The following MTG1 variants were observed in gnomAD, a reference collection of about 807,000 sequenced individuals.
MTG1 encodes the protein mitochondrial ribosome-associated GTPase 1.
In MTG1, 30 loss-of-function variants were observed where a neutral mutation model predicts 39.5. The observed-to-expected ratio is 0.76, with a 90% confidence interval of 0.57 to 1.03. MTG1 has a LOEUF of 1.03. MTG1 is among the 50% of genes least tolerant of loss of function. MTG1 has a pLI of 0.00. For synonymous variants in MTG1, 217 were observed against 179.0 expected (o/e 1.21, Z -1.69); for missense variants, 513 against 447.4 (o/e 1.15, Z -1.32).
chr10:133,420,235 A>G lies in MTG1; in HGVS notation c.*70A>G, dbSNP rs1297032429. The stretch of plus-strand genomic sequence containing the variant: ...CTCCTGACCTGGGTGGTTGAGGCTC[A>G]AGACAGCTCACCCGGTCCAGAAGCT... On this transcript the variant is annotated 3_prime_UTR_variant, in exon 11 of 11. Transcript: ENST00000317502. 4 of 1,508,602 alleles carry G rather than the reference A, an allele frequency of 2.7e-6. No individual in the cohort carries two copies. Among genetic ancestry groups the G allele is most frequent in the Non-Finnish European group, 3.5e-6 (4 of 1,126,938 alleles). The allele number at this position is 1,508,602 out of a possible 1,614,324, so 93.5% of individuals were successfully genotyped here.
chr10:133,399,300 C>T (rs1849833231), intron 5 of MTG1, 74 bp downstream of exon 5: 1 of 1,551,444 alleles, frequency 6.4e-7, no homozygotes, highest in Non-Finnish European at 8.9e-7. Flanking sequence ...CCTGGCCTCT[C>T]CAAGGAGAAG....
chr10:133,408,651 G>C (rs139803369), intron 9 of MTG1, among the ~76,000 whole-genome samples: 2 of 152,326 alleles, frequency 1.3e-5, no homozygotes, highest in East Asian at 3.9e-4. Flanking sequence ...ACTGTTGATA[G>C]TTCAGCAGTG....
At position 133,394,172 on chromosome 10, in the gene MTG1, C is replaced by A. The variant is rs1370602711; in HGVS notation, c.-49C>A. ...CCGGAACCTCAGAGGCGGGTCGCAG[C>A]GGCGCAGAGGAGGTCAGCTGCGGGA... On this transcript the variant is annotated 5_prime_UTR_variant, in exon 1 of 11. Coordinates refer to ENST00000317502, the MANE Select transcript of MTG1 (RefSeq NM_138384.4). 1 of 1,391,394 alleles carries A rather than the reference C, an allele frequency of 7.2e-7. No homozygotes were observed. The highest frequency in any genetic ancestry group is 2.4e-4 in the Middle Eastern group (1 of 4,086). The allele number at this position is 1,391,394 out of a possible 1,614,324, so 86.2% of individuals were successfully genotyped here.
intron 1 of MTG1, among the ~76,000 whole-genome samples, chr10:133,395,124 G>T (rs1034373956): frequency 6.6e-6 from 1 of 152,170 alleles, no homozygotes; most frequent in Admixed American, 6.5e-5. Context: ...GGCCCGGCCC[G>T]GTGGCTCACG....
At position 133,394,249 on chromosome 10, in the gene MTG1, G is replaced by C. The variant is rs551005414; in HGVS notation, c.29G>C (p.Ser10Thr). The C allele has an allele frequency of 3.2e-5, 49 of 1,518,744 alleles. No individual in the cohort carries two copies. In the African/African-American group the frequency reaches 5.6e-4, roughly 17 times the overall value. 94.1% of individuals were successfully genotyped at this position (1,518,744 alleles called of 1,614,324 possible). Reference sequence around the variant, plus strand: ...AGATTGACCCCGCGCGCGCTGTGCAGCGCCGCCCAGGCCGCCTGGCGGGAG... The same window carrying C: ...AGATTGACCCCGCGCGCGCTGTGCACCGCCGCCCAGGCCGCCTGGCGGGAG... MRLTPRALC[S>T]AAQAAWRENF... Residue 10 changes from serine (S) to threonine (T), a missense_variant, in exon 1 of 11, where the codon AGC (serine) becomes ACC (threonine). Transcript: ENST00000317502.
At chr10:133,395,515 A>T (rs1000697932) in intron 1 of MTG1, among the ~76,000 whole-genome samples, 198 bp from the exon 2 acceptor site, 1 of 152,148 alleles carries the variant, frequency 6.6e-6, no homozygotes, top group African/African-American at 2.4e-5. Flanking sequence ...GGTGCCTCCC[A>T]GTCTCCCACT....
rs772300187 is a variant in MTG1, at chr10:133,420,205, C to G, written c.*40C>G. ...GGAGGGCCGGAGGCATGTGGCCTCC[C>G]AGACCTCCTGACCTGGGTGGTTGAG... On this transcript the variant is annotated 3_prime_UTR_variant, in exon 11 of 11. Transcript: ENST00000317502. The G allele has an allele frequency of 1.9e-6, 3 of 1,569,758 alleles. No homozygotes were observed. The highest frequency in any genetic ancestry group is 1.8e-5 in the Admixed American group (1 of 56,540).
rs111361554 is a variant in MTG1 at position 133,397,670 on chromosome 10, G to A, written c.283-765G>A. On this transcript the variant is annotated intron_variant, in intron 3 of 10. Coordinates refer to ENST00000317502, the MANE Select transcript of MTG1 (RefSeq NM_138384.4). Reference sequence around the variant, plus strand: ...ATTTTTTGTATCTTTAGTAGAGACGGGGTTTCACTGTGTTAGCCAGGATGG... The same window carrying A: ...ATTTTTTGTATCTTTAGTAGAGACGAGGTTTCACTGTGTTAGCCAGGATGG... 2.4e-3 allele frequency among the ~76,000 whole-genome samples: 363 copies of A among 152,096 alleles called. 1 individual carries two copies. The highest frequency in any genetic ancestry group is 0.014 in the Middle Eastern group (4 of 294).
intron 9 of MTG1, among the ~76,000 whole-genome samples, chr10:133,416,433 A>G (rs1455072160): frequency 6.6e-6 from 1 of 151,004 alleles, no homozygotes; most frequent in Non-Finnish European, 1.5e-5. Flanking sequence ...TTTAAGTTTT[A>G]GGGTACATGT....
Position 133,419,571 on chromosome 10 carries a change from G to T in MTG1, c.844G>T (p.Val282Leu). Reference sequence around the variant, plus strand: ...TGTGAAGCTGGGGAAGACGCAGAAGGTGAAGGTGCTCACGGGCACGGGTGA... The same window carrying T: ...TGTGAAGCTGGGGAAGACGCAGAAGTTGAAGGTGCTCACGGGCACGGGTGA... ...VAVKLGKTQK[V>L]KVLTGTGNVN... The change falls in exon 10 of 11, where the codon GTG becomes TTG. Residue 282 changes from valine to leucine, a missense_variant. Transcript: ENST00000317502. 1 of 1,607,840 alleles carries T rather than the reference G, an allele frequency of 6.2e-7. No individual in the cohort carries two copies. The highest frequency in any genetic ancestry group is 1.3e-5 in the African/African-American group (1 of 74,978).
At chr10:133,395,530 G>C (rs1308943624) in intron 1 of MTG1, among the ~76,000 whole-genome samples, 183 bp from the exon 2 acceptor site, 1 of 152,212 alleles carries the variant, frequency 6.6e-6, no homozygotes, top group Non-Finnish European at 1.5e-5. Flanking sequence ...CCCACTCCGA[G>C]GGTGCGGACC....
At position 133,420,462 on chromosome 10, in the gene MTG1, A is replaced by C; in HGVS notation, c.*297A>C. 2.6e-6 allele frequency: 1 copy of C among 379,162 alleles called. No individual in the cohort carries two copies. Among genetic ancestry groups the C allele is most frequent in the Non-Finnish European group, 4.7e-6 (1 of 212,810 alleles). 23.5% of individuals were successfully genotyped at this position (379,162 alleles called of 1,614,324 possible). The stretch of plus-strand genomic sequence containing the variant: ...ATGGATGCTGTCTCAGAAGGAGTTA[A>C]AGCTATAACCTGTAACCTTTAAAAT... On this transcript the variant is annotated 3_prime_UTR_variant, in exon 11 of 11. Coordinates refer to ENST00000317502, the MANE Select transcript of MTG1 (RefSeq NM_138384.4).
Position 133,419,504 on chromosome 10 carries a change from C to T in MTG1, c.777C>T (p.Gly259=). The change falls in exon 10 of 11, where the codon GGC becomes GGT. Residue 259 remains glycine, a synonymous_variant. Coordinates refer to ENST00000317502, the MANE Select transcript of MTG1 (RefSeq NM_138384.4). The part of the protein sequence containing the change: ...RFGYVQHYGL[G]SACDNVERVL... ...GGTACGTGCAGCACTACGGCCTGGG[C>T]AGTGCCTGTGACAACGTAGAGCGCG... The T allele has an allele frequency of 1.2e-6, 2 of 1,605,510 alleles. No homozygotes were observed. Among genetic ancestry groups the T allele is most frequent in the Non-Finnish European group, 8.5e-7 (1 of 1,176,424 alleles).
intron 9 of MTG1, among the ~76,000 whole-genome samples, chr10:133,416,928 A>C (rs1202627138): frequency 2.0e-5 from 3 of 151,964 alleles, no homozygotes; most frequent in Non-Finnish European, 4.4e-5. Context: ...CAGTAATGGG[A>C]TAGCTGGGTC....
chr10:133,407,610 C>G (rs1357697022), intron 9 of MTG1, among the ~76,000 whole-genome samples: 1 of 150,824 alleles, frequency 6.6e-6, no homozygotes, highest in Non-Finnish European at 1.5e-5. Context: ...GTCTTGTTGC[C>G]CAGTCTGGAG....
chr10:133,413,983 C>T (rs4469799), intron 9 of MTG1, among the ~76,000 whole-genome samples: 33,846 of 144,700 alleles, frequency 0.23, 4,146 homozygotes, highest in Admixed American at 0.33. Flanking sequence ...GGCAGGGTCA[C>T]AGGACAATAG....
Position 133,402,838 on chromosome 10 carries a change from AAC to A in MTG1, c.752+67_752+68del. 4.8e-6 allele frequency: 6 copies of A among 1,238,566 alleles called. No individual in the cohort carries two copies. Among genetic ancestry groups the A allele is most frequent in the Non-Finnish European group, 6.7e-6 (6 of 890,164 alleles). The allele number at this position is 1,238,566 out of a possible 1,614,324, so 76.7% of individuals were successfully genotyped here. Reference sequence around the variant, plus strand: ...CTAGTCACCTCATTTAAAAAAAAAAAACAAACAAAAAAACCCCCAGCATTATA... The same window carrying A: ...CTAGTCACCTCATTTAAAAAAAAAAAAAACAAAAAAACCCCCAGCATTATA... On this transcript the variant is annotated intron_variant, in intron 9 of 10. Transcript: ENST00000317502. The surrounding 1 kb of genome is among the most constrained non-coding windows in gnomAD (Gnocchi z 4.7).
chr10:133,408,052 C>T (rs1443407946), intron 9 of MTG1, among the ~76,000 whole-genome samples: 1 of 152,172 alleles, frequency 6.6e-6, no homozygotes, highest in African/African-American at 2.4e-5. Context: ...ATTTGGGTGA[C>T]TGTTATTTCT....
At chr10:133,398,387 C>T (rs779240276) in intron 3 of MTG1, 48 bp from the exon 4 acceptor site, 65 of 1,584,400 alleles carry the variant, frequency 4.1e-5, no homozygotes, top group East Asian at 2.9e-4. Flanking sequence ...GTGACAGAGC[C>T]AAGACTCCAG....
Sources: allele counts gnomAD v4.1 joint callset (sites outside exome capture counted in the v4.1 genomes callset), GRCh38; gene constraint gnomAD v4.1.1; non-coding constraint Gnocchi (gnomAD v3.1); transcripts MANE v1.5; gene names NCBI Gene and HGNC (gene_info 2026-07-23, HGNC 2026-07-21).